HS3ST5: variants seen among roughly 807,000 people sequenced by gnomAD.
HS3ST5 encodes the protein heparan sulfate glucosamine 3-O-sulfotransferase 5.
Under a neutral mutation model 25.4 loss-of-function variants are expected in HS3ST5, and 10 were observed. The ratio of observed to expected loss-of-function variants is 0.39; its 90% CI spans 0.24 to 0.67. The LOEUF is 0.67. HS3ST5 is among the 30% of genes least tolerant of loss of function. The pLI, the probability that HS3ST5 is intolerant of heterozygous loss-of-function variation, is 0.44. For missense variants in HS3ST5, 324 were observed against 420.7 expected (o/e 0.77, Z 2.01); for synonymous variants, 170 against 162.4 (o/e 1.05, Z -0.36).
chr6:114,136,407 A>T (rs6568830), intron 3 of HS3ST5, among the ~76,000 whole-genome samples: 2,812 of 152,268 alleles, frequency 0.018, 106 homozygotes, highest in African/African-American at 0.065. Context: ...ATTTGTCTTC[A>T]GCCATGATTG....
chr6:114,186,554 T>G (rs2114266655), intron 2 of HS3ST5, among the ~76,000 whole-genome samples: 1 of 152,274 alleles, frequency 6.6e-6, no homozygotes, highest in East Asian at 1.9e-4. Context: ...TAGCAGAGGT[T>G]GGTTCATTAG....
intron 2 of HS3ST5, among the ~76,000 whole-genome samples, chr6:114,205,966 C>T (rs1287208228): frequency 1.1e-4 from 17 of 152,148 alleles, no homozygotes; most frequent in Non-Finnish European, 2.5e-4. Flanking sequence ...TGGTTTGTAA[C>T]AGGCTATGGA....
chr6:114,123,089 G>T (rs1230443197), intron 3 of HS3ST5, among the ~76,000 whole-genome samples: 1 of 152,150 alleles, frequency 6.6e-6, no homozygotes, highest in African/African-American at 2.4e-5. Context: ...GAGTAGCTGG[G>T]ATTACAGGCA....
chr6:114,280,395 A>G (rs1161714223), intron 1 of HS3ST5, among the ~76,000 whole-genome samples: 1 of 151,916 alleles, frequency 6.6e-6, no homozygotes, highest in Non-Finnish European at 1.5e-5. Context: ...ATAGCCTTTC[A>G]ACAGGTAAGA....
At position 114,261,472 on chromosome 6, in the gene HS3ST5, T is replaced by C. The variant is rs866653462; in HGVS notation, c.-338-32694A>G. On this transcript the variant is annotated intron_variant, in intron 1 of 4. Coordinates refer to ENST00000312719, the MANE Select transcript of HS3ST5 (RefSeq NM_153612.4). ...ATATACTTGATGGTTTCTATTTTTTTCTGTAAGTATGGTCTGAATATTAAA... is the reference window on the plus strand; with the variant it reads ...ATATACTTGATGGTTTCTATTTTTTCCTGTAAGTATGGTCTGAATATTAAA... 1.3e-4 allele frequency among the ~76,000 whole-genome samples: 20 copies of C among 152,290 alleles called. No homozygotes were observed. The South Asian group carries it at 4.1e-3, about 32-fold the overall frequency.
intron 1 of HS3ST5, among the ~76,000 whole-genome samples, chr6:114,235,953 T>C (rs1771836182): frequency 6.6e-6 from 1 of 152,200 alleles, no homozygotes; most frequent in Non-Finnish European, 1.5e-5. Context: ...TCCCCATTCA[T>C]GAATCAACCT....
intron 2 of HS3ST5, among the ~76,000 whole-genome samples, chr6:114,222,127 A>C (rs1782071823): frequency 6.6e-6 from 1 of 151,922 alleles, no homozygotes; most frequent in African/African-American, 2.4e-5. Flanking sequence ...CATCAGCCAG[A>C]AGAACTGGAA....
chr6:114,178,216 C>A (rs996558164), intron 2 of HS3ST5, among the ~76,000 whole-genome samples: 1 of 152,032 alleles, frequency 6.6e-6, no homozygotes, highest in Non-Finnish European at 1.5e-5. Flanking sequence ...TCTAAAGCAA[C>A]AAAAGAACAA....
At chr6:114,154,119 C>T (rs937539858) in intron 3 of HS3ST5, among the ~76,000 whole-genome samples, 6 of 152,008 alleles carry the variant, frequency 3.9e-5, no homozygotes, top group African/African-American at 1.2e-4. Context: ...AGTCTATTAA[C>T]GAAGGAGAGG....
intron 1 of HS3ST5, among the ~76,000 whole-genome samples, chr6:114,231,028 C>G (rs533067010): frequency 6.6e-6 from 1 of 151,924 alleles, no homozygotes; most frequent in South Asian, 2.1e-4. Flanking sequence ...ACTGTAATCC[C>G]CAATGTTGGA....
chr6:114,072,058 A>C (rs1773855783), intron 3 of HS3ST5, among the ~76,000 whole-genome samples: 1 of 152,256 alleles, frequency 6.6e-6, no homozygotes, highest in African/African-American at 2.4e-5. Flanking sequence ...GTAAATAATT[A>C]TATTAGGGCT....
chr6:114,196,778 C>T (rs183826662), intron 2 of HS3ST5, among the ~76,000 whole-genome samples: 1 of 151,692 alleles, frequency 6.6e-6, no homozygotes, highest in Non-Finnish European at 1.5e-5. Flanking sequence ...TTTGAAGTTA[C>T]TGTTTCGTTT....
intron 2 of HS3ST5, among the ~76,000 whole-genome samples, chr6:114,209,817 A>G (rs1004015517): frequency 2.0e-5 from 3 of 152,156 alleles, no homozygotes; most frequent in Non-Finnish European, 4.4e-5. Context: ...ATACAAACAC[A>G]CACATATGAA....
At chr6:114,089,376 G>A (rs1775007086) in intron 3 of HS3ST5, among the ~76,000 whole-genome samples, 1 of 152,066 alleles carries the variant, frequency 6.6e-6, no homozygotes, top group South Asian at 2.1e-4. Context: ...GCATTTTTCT[G>A]TGCAGAAAAG....
chr6:114,201,733 A>AAGGTAATTTATAAAGGAAAG, intron 2 of HS3ST5, among the ~76,000 whole-genome samples: 1 of 152,272 alleles, frequency 6.6e-6, no homozygotes, highest in African/African-American at 2.4e-5. Flanking sequence ...TTTATTTATA[A>AAGGTAATTTATAAAGGAAAG]AGGTAATTTA....
chr6:114,312,438 TACA>T (rs1352714000), intron 1 of HS3ST5, among the ~76,000 whole-genome samples: 1 of 152,110 alleles, frequency 6.6e-6, no homozygotes. Context: ...ATAACACTTT[TACA>T]ACAAGACACA....
At chr6:114,261,785 A>G (rs1004089288) in intron 1 of HS3ST5, among the ~76,000 whole-genome samples, 3 of 152,208 alleles carry the variant, frequency 2.0e-5, no homozygotes, top group Admixed American at 6.5e-5. Flanking sequence ...AGCCTCCTCC[A>G]GGCCCCATGT....
chr6:114,169,245 A>C (rs906275084), intron 2 of HS3ST5, among the ~76,000 whole-genome samples: 1 of 152,062 alleles, frequency 6.6e-6, no homozygotes, highest in Non-Finnish European at 1.5e-5. Context: ...TGGCCTAGAA[A>C]CCCATCTTTT....
At chr6:114,080,843 C>G (rs527793811) in intron 3 of HS3ST5, among the ~76,000 whole-genome samples, 8 of 152,138 alleles carry the variant, frequency 5.3e-5, no homozygotes, top group Non-Finnish European at 8.8e-5. Context: ...TGGTCAGTAC[C>G]TGGGTGATGG....
Sources: gnomAD v4.1 joint callset for allele counts (sites outside exome capture counted in the v4.1 genomes callset) on GRCh38, gnomAD v4.1.1 for gene constraint, MANE v1.5 for transcripts, NCBI Gene and HGNC (gene_info 2026-07-23, HGNC 2026-07-21) for gene names.